Variants in DBH observed in about 807,000 individuals in gnomAD.
DBH encodes dopamine beta-hydroxylase.
A neutral mutation model predicts 64.0 loss-of-function variants in DBH; 49 were observed. That is an observed-to-expected ratio of 0.77 (90% CI 0.61 to 0.97). The LOEUF (loss-of-function observed/expected upper bound fraction) is 0.97. Ranked by LOEUF, DBH falls within the 50% of genes least tolerant of loss-of-function variation. DBH has a pLI of 0.00. For synonymous variants in DBH, 343 were observed against 347.1 expected, an observed-to-expected ratio of 0.99 and a Z score of 0.13; for missense variants, 828 against 826.6, an observed-to-expected ratio of 1.00 and a Z score of -0.02.
rs1469907531 is a variant in DBH, at chr9:133,642,378, A to G, written c.658A>G (p.Asn220Asp). The G allele has an allele frequency of 1.9e-6, 3 of 1,613,976 alleles. No homozygotes were observed. The highest frequency in any genetic ancestry group is 2.5e-6 in the Non-Finnish European group (3 of 1,180,006). Reference sequence around the variant, plus strand: ...GTGCACCATGGAGGTCCAAGCTCCCAATATCCAGATCCCCAGCCAGGAGAC... The same window carrying G: ...GTGCACCATGGAGGTCCAAGCTCCCGATATCCAGATCCCCAGCCAGGAGAC... ...DACTMEVQAPNIQIPSQETTY... is the reference protein window; with the variant it reads ...DACTMEVQAPDIQIPSQETTY... Residue 220 changes from asparagine (N) to aspartate (D), a missense_variant, in exon 3 of 12, where the codon AAT becomes GAT. Asn to Asp is a conservative substitution (Grantham distance 23). Coordinates refer to ENST00000393056, the MANE Select transcript of DBH (RefSeq NM_000787.4).
intron 2 of DBH, among the ~76,000 whole-genome samples, chr9:133,640,995 A>T (rs548032271): frequency 6.6e-6 from 1 of 152,114 alleles, no homozygotes; most frequent in Non-Finnish European, 1.5e-5. Context: ...TTTAGGGCTG[A>T]GGCAATATTG....
intron 9 of DBH, 125 bp downstream of exon 9, chr9:133,653,124 C>A: frequency 1.3e-6 from 1 of 775,326 alleles, no homozygotes; most frequent in Non-Finnish European, 2.3e-6. Context: ...ATAAGCCAGT[C>A]GTTCTCAGCT....
chr9:133,639,767 G>A lies in DBH; in HGVS notation c.340-79G>A. The A allele has an allele frequency of 1.6e-5, 24 of 1,468,106 alleles. No homozygotes were observed. The South Asian group carries it at 2.9e-4, about 18-fold the overall frequency. 90.9% of individuals were successfully genotyped at this position (1,468,106 alleles called of 1,614,324 possible). ...CAGCTGGCAATGAATGCGGAGCTCT[G>A]CCGGGGAATGCCCTCTTCCCCTGTG... On this transcript the variant is annotated intron_variant, in intron 1 of 11. Transcript: ENST00000393056.
chr9:133,656,605 C>T lies in DBH; in HGVS notation c.1517C>T (p.Ala506Val). 6.2e-7 allele frequency: 1 copy of T among 1,613,558 alleles called. No individual in the cohort carries two copies. Among genetic ancestry groups the T allele is most frequent in the Non-Finnish European group, 8.5e-7 (1 of 1,180,018 alleles). Residue 506 changes from alanine (A) to valine (V), a missense_variant, in exon 10 of 12, where the codon GCT becomes GTT. Ala to Val is a moderately conservative substitution (Grantham distance 64). Coordinates refer to ENST00000393056, the MANE Select transcript of DBH (RefSeq NM_000787.4). Reference sequence around the variant, plus strand: ...ACGCAGCTGGAGCTCTGCAAGAGCGCTGTGGACGCCGGCTTCCTGCAGAAG... The same window carrying T: ...ACGCAGCTGGAGCTCTGCAAGAGCGTTGTGGACGCCGGCTTCCTGCAGAAG... ...PQTQLELCKS[A>V]VDAGFLQKYF...
intron 10 of DBH, 79 bp from the exon 11 acceptor site, chr9:133,656,991 C>G: frequency 6.6e-7 from 1 of 1,504,366 alleles, no homozygotes; most frequent in South Asian, 1.1e-5. Context: ...ACTCGAGTTG[C>G]AGGGAGGTGT....
At chr9:133,656,027 G>A in intron 9 of DBH, 1 of 236,540 alleles carries the variant, frequency 4.2e-6, no homozygotes, top group Non-Finnish European at 8.5e-6. Context: ...TCCCCTCAGA[G>A]CCACGTTGGA....
intron 5 of DBH, 118 bp from the exon 6 acceptor site, chr9:133,647,728 G>T (rs983183377): frequency 7.9e-6 from 10 of 1,271,118 alleles, no homozygotes; most frequent in Admixed American, 2.0e-5. Context: ...CAGATGGGGG[G>T]TGACCGGCCC....
chr9:133,653,580 G>A (rs547510764), intron 9 of DBH, among the ~76,000 whole-genome samples: 9 of 152,300 alleles, frequency 5.9e-5, no homozygotes, highest in South Asian at 2.1e-4. Flanking sequence ...CTGCGTGCGG[G>A]AAGGCCCAGA....
In DBH at chr9:133,658,597, A is replaced by G. The variant is rs1207696973; in HGVS notation, c.*150A>G. ...CGCCCCTGCCTGAGACCACGGTCCA[A>G]TCCAGCCTTCTTCCCCCAGGGTCCC... On this transcript the variant is annotated 3_prime_UTR_variant, in exon 12 of 12. Coordinates refer to ENST00000393056, the MANE Select transcript of DBH (RefSeq NM_000787.4). The G allele has an allele frequency of 1.1e-6, 1 of 922,636 alleles. No individual in the cohort carries two copies. Among genetic ancestry groups the G allele is most frequent in the South Asian group, 2.1e-5 (1 of 48,356 alleles). 57.2% of individuals were successfully genotyped at this position (922,636 alleles called of 1,614,324 possible). A position where few individuals can be genotyped will look rare whatever the true frequency, so the allele number is the denominator to read the frequency against.
intron 1 of DBH, among the ~76,000 whole-genome samples, chr9:133,638,946 G>A (rs181453992): frequency 7.9e-5 from 12 of 152,214 alleles, no homozygotes; most frequent in Non-Finnish European, 1.6e-4. Context: ...GGGAGCGGCC[G>A]GAGACGGGGA....
At position 133,658,555 on chromosome 9, in the gene DBH, A is replaced by G; in HGVS notation, c.*108A>G. The G allele has an allele frequency of 2.3e-6, 3 of 1,288,614 alleles. No individual in the cohort carries two copies. The highest frequency in any genetic ancestry group is 3.1e-6 in the Non-Finnish European group (3 of 963,468). The allele number at this position is 1,288,614 out of a possible 1,614,324, so 79.8% of individuals were successfully genotyped here. A position where few individuals can be genotyped will look rare whatever the true frequency, so the allele number is the denominator to read the frequency against. ...CATGGAACAGCCCTGCACGCCCAGG[A>G]TGAAGGGGCCAGACCACGCCCCTGC... is the stretch of plus-strand genomic sequence containing the variant. On this transcript the variant is annotated 3_prime_UTR_variant, in exon 12 of 12. Transcript: ENST00000393056.
intron 11 of DBH, among the ~76,000 whole-genome samples, chr9:133,657,588 CTG>C (rs980571046): frequency 5.9e-5 from 9 of 152,166 alleles, no homozygotes; most frequent in Admixed American, 1.3e-4. Flanking sequence ...CACCTCCACA[CTG>C]TACCGAATGC....
chr9:133,655,896 A>C (rs2131294311), intron 9 of DBH: 2 of 156,536 alleles, frequency 1.3e-5, no homozygotes, highest in South Asian at 3.9e-4. Flanking sequence ...TAAAGCTGGC[A>C]GTGGGGACTC....
chr9:133,649,178 C>G (rs1258146667), intron 6 of DBH, among the ~76,000 whole-genome samples: 4 of 152,162 alleles, frequency 2.6e-5, no homozygotes, highest in Admixed American at 6.5e-5. Context: ...TTCCTGTTTT[C>G]TGTTCATTCC....
In DBH at chr9:133,636,660, A is replaced by G; in HGVS notation, c.289A>G (p.Asn97Asp). 6.2e-7 allele frequency: 1 copy of G among 1,610,920 alleles called. No homozygotes were observed. Among genetic ancestry groups the G allele is most frequent in the Non-Finnish European group, 8.5e-7 (1 of 1,179,968 alleles). ...GATGTCCGACCGTGGCGAGCTTGAG[A>G]ACGCAGATCTCGTGGTGCTCTGGAC... ...FGMSDRGELENADLVVLWTDG... is the reference protein window; with the variant it reads ...FGMSDRGELEDADLVVLWTDG... The change falls in exon 1 of 12, where the codon AAC becomes GAC. Residue 97 changes from asparagine to aspartate, a missense_variant. By Grantham distance (23) the Asn-to-Asp change is conservative. Coordinates refer to ENST00000393056, the MANE Select transcript of DBH (RefSeq NM_000787.4).
In DBH at chr9:133,658,543, T is replaced by G. The variant is rs536617820; in HGVS notation, c.*96T>G. 6.6e-6 allele frequency: 9 copies of G among 1,373,832 alleles called. No homozygotes were observed. Among genetic ancestry groups the G allele is most frequent in the Non-Finnish European group, 7.8e-6 (8 of 1,032,056 alleles). The allele number at this position is 1,373,832 out of a possible 1,614,324, so 85.1% of individuals were successfully genotyped here. ...TGCGACGATCCCCATGGAACAGCCC[T>G]GCACGCCCAGGATGAAGGGGCCAGA... On this transcript the variant is annotated 3_prime_UTR_variant, in exon 12 of 12. Coordinates refer to ENST00000393056, the MANE Select transcript of DBH (RefSeq NM_000787.4).
In DBH at chr9:133,643,707, C is replaced by T; in HGVS notation, c.921+118C>T. On this transcript the variant is annotated intron_variant, in intron 4 of 11. Transcript: ENST00000393056. The surrounding 1 kb of genome is among the most constrained non-coding windows in gnomAD (Gnocchi z 5.3). Reference sequence around the variant, plus strand: ...TCAAGAAGGGGCTCCCAAGGGGGCTCACGAGGCCACCAGAAGGGCCAGGCC... The same window carrying T: ...TCAAGAAGGGGCTCCCAAGGGGGCTTACGAGGCCACCAGAAGGGCCAGGCC... 1 of 1,193,082 alleles carries T rather than the reference C, an allele frequency of 8.4e-7. No homozygotes were observed. Among genetic ancestry groups the T allele is most frequent in the Non-Finnish European group, 1.2e-6 (1 of 844,122 alleles). The allele number at this position is 1,193,082 out of a possible 1,614,324, so 73.9% of individuals were successfully genotyped here. A position where few individuals can be genotyped will look rare whatever the true frequency, so the allele number is the denominator to read the frequency against.
intron 6 of DBH, among the ~76,000 whole-genome samples, chr9:133,649,347 T>C (rs1164334952): frequency 6.6e-6 from 1 of 152,220 alleles, no homozygotes. Context: ...AAAGTAAGTG[T>C]TGACGTACCC....
In DBH at chr9:133,644,310, G is replaced by A. The variant is rs749979146; in HGVS notation, c.1014G>A (p.Leu338=). ...LRLEVHYHNP[L]VIEGRNDSSG... is the part of the protein sequence containing the mutation. ...TGGAAGTTCACTACCACAACCCACT[G>A]GTGATAGAAGGTAGGCGGCTCTGCT... Residue 338 remains leucine, a synonymous_variant, in exon 5 of 12, where the codon CTG becomes CTA. Coordinates refer to ENST00000393056, the MANE Select transcript of DBH (RefSeq NM_000787.4). The A allele has an allele frequency of 3.1e-6, 5 of 1,613,634 alleles. No individual in the cohort carries two copies. In the South Asian group the frequency reaches 4.4e-5, roughly 14 times the overall value.
Sources: allele counts gnomAD v4.1 joint callset (sites outside exome capture counted in the v4.1 genomes callset), GRCh38; gene constraint gnomAD v4.1.1; non-coding constraint Gnocchi (gnomAD v3.1); transcripts MANE v1.5; gene names NCBI Gene and HGNC (gene_info 2026-07-23, HGNC 2026-07-21).